RTKN2: variants seen among roughly 807,000 people sequenced by gnomAD.
The protein encoded by RTKN2 is rhotekin 2, also known as rhotekin-2.
RTKN2 carries 69 observed loss-of-function variants against 71.5 expected under a neutral mutation model. That is an observed-to-expected ratio of 0.96 (90% CI 0.79 to 1.18). The LOEUF (loss-of-function observed/expected upper bound fraction) is 1.18. RTKN2 is among the 50% of genes most tolerant of loss of function. The pLI, the probability that RTKN2 is intolerant of heterozygous loss-of-function variation, is 0.00. For synonymous variants in RTKN2, 236 were observed against 236.5 expected, an observed-to-expected ratio of 1.00 and a Z score of 0.02; for missense variants, 724 against 719.7, an observed-to-expected ratio of 1.01 and a Z score of -0.07.
At chr10:62,231,904 T>A (rs1159302856) in intron 6 of RTKN2, among the ~76,000 whole-genome samples, 4 of 152,196 alleles carry the variant, frequency 2.6e-5, no homozygotes, top group Non-Finnish European at 5.9e-5. Flanking sequence ...ATTTTTAAAC[T>A]CCTACCATGG....
In RTKN2 at chr10:62,195,464, G is replaced by T; in HGVS notation, c.*2444C>A. 1.0e-6 allele frequency: 1 copy of T among 966,746 alleles called. No homozygotes were observed. Among genetic ancestry groups the T allele is most frequent in the Non-Finnish European group, 1.2e-6 (1 of 813,488 alleles). 59.9% of individuals were successfully genotyped at this position (966,746 alleles called of 1,614,324 possible). On this transcript the variant is annotated 3_prime_UTR_variant, in exon 12 of 12. Coordinates refer to ENST00000373789, the MANE Select transcript of RTKN2 (RefSeq NM_145307.4). ...TATTTTTAGATTTTTTTTTTAAACTGTAAAGGAAGGGAGGAAGGAGAGACA... is the reference window on the plus strand; with the variant it reads ...TATTTTTAGATTTTTTTTTTAAACTTTAAAGGAAGGGAGGAAGGAGAGACA...
chr10:62,223,381 A>G (rs1841952451), intron 6 of RTKN2, 49 bp from the exon 7 acceptor site: 1 of 1,079,286 alleles, frequency 9.3e-7, no homozygotes, highest in Non-Finnish European at 1.4e-6. Flanking sequence ...TATTTCTACT[A>G]CTACACAAAA....
intron 2 of RTKN2, among the ~76,000 whole-genome samples, chr10:62,247,456 T>C (rs907094262): frequency 2.0e-5 from 3 of 151,984 alleles, no homozygotes; most frequent in African/African-American, 7.2e-5. Context: ...AAGCCATATA[T>C]TCTCAGAATT....
intron 9 of RTKN2, among the ~76,000 whole-genome samples, chr10:62,206,772 T>G (rs1841557460): frequency 6.6e-6 from 1 of 152,040 alleles, no homozygotes; most frequent in Admixed American, 6.6e-5. Flanking sequence ...TTTTTACACT[T>G]CTATGTCTTG....
chr10:62,197,879 T>A lies in RTKN2; in HGVS notation c.*29A>T. Reference sequence around the variant, plus strand: ...GAATTAAGCTTCACAGTTATAGATTTTGTTAAATGTTTTATCATTAAGAGT... The same window carrying A: ...GAATTAAGCTTCACAGTTATAGATTATGTTAAATGTTTTATCATTAAGAGT... On this transcript the variant is annotated 3_prime_UTR_variant, in exon 12 of 12. Transcript: ENST00000373789. The A allele has an allele frequency of 2.5e-6, 4 of 1,570,874 alleles. No homozygotes were observed. The highest frequency in any genetic ancestry group is 3.4e-6 in the Non-Finnish European group (4 of 1,161,708).
chr10:62,217,211 A>G lies in RTKN2; in HGVS notation c.927T>C (p.Tyr309=), dbSNP rs147106750. The change falls in exon 9 of 12, where the codon TAT becomes TAC. Residue 309 remains tyrosine (Y), a synonymous_variant. Transcript: ENST00000373789. ...AGAGTTTACCTCCTCGCAAAACACA[A>G]TACAACCTTCTCCAACTAATCAGAC... ...VEGLISWRRL[Y]CVLRGGKLYC... 6.3e-7 allele frequency: 1 copy of G among 1,599,292 alleles called. No individual in the cohort carries two copies. Among genetic ancestry groups the G allele is most frequent in the Non-Finnish European group, 8.5e-7 (1 of 1,173,114 alleles).
At chr10:62,225,668 C>T (rs1050964370) in intron 6 of RTKN2, among the ~76,000 whole-genome samples, 2 of 152,032 alleles carry the variant, frequency 1.3e-5, no homozygotes, top group Non-Finnish European at 2.9e-5. Context: ...GTGGTACTTA[C>T]GTTAAAATAG....
chr10:62,220,179 A>C (rs2116584), intron 7 of RTKN2, among the ~76,000 whole-genome samples: 115,517 of 152,124 alleles, frequency 0.76, 43,952 homozygotes, highest in East Asian at 0.9. Flanking sequence ...AAAAAGTTTT[A>C]AATTTACCTA....
At chr10:62,199,567 G>T (rs1317502875) in intron 11 of RTKN2, among the ~76,000 whole-genome samples, 187 bp downstream of exon 11, 2 of 152,094 alleles carry the variant, frequency 1.3e-5, no homozygotes, top group Non-Finnish European at 1.5e-5. Context: ...GAAAAAACGT[G>T]TATTCATTAT....
chr10:62,191,968 A>G (rs1396624681), downstream of RTKN2, among the ~76,000 whole-genome samples: 1 of 152,150 alleles, frequency 6.6e-6, no homozygotes, highest in Non-Finnish European at 1.5e-5. Flanking sequence ...TATAGAAACA[A>G]GGCAGGAACT....
At chr10:62,186,979 A>G (rs1841146981) in intron 8 of RTKN2, among the ~76,000 whole-genome samples, 1 of 152,330 alleles carries the variant, frequency 6.6e-6, no homozygotes, top group Non-Finnish European at 1.5e-5. Flanking sequence ...GGTGTTGATA[A>G]GACTTGTGGT....
chr10:62,251,025 G>A (rs1023365708), intron 2 of RTKN2, among the ~76,000 whole-genome samples: 3 of 152,152 alleles, frequency 2.0e-5, no homozygotes, highest in African/African-American at 7.2e-5. Context: ...TTTGTCCAGT[G>A]TATCCATGCT....
Position 62,195,696 on chromosome 10 carries a change from A to T in RTKN2, c.*2212T>A. On this transcript the variant is annotated 3_prime_UTR_variant, in exon 12 of 12. Transcript: ENST00000373789. Reference sequence around the variant, plus strand: ...GAAACCAACTCTGTATTATAACTACACTCCTTAGGTAAGGGGTAAATTAGC... The same window carrying T: ...GAAACCAACTCTGTATTATAACTACTCTCCTTAGGTAAGGGGTAAATTAGC... The T allele has an allele frequency of 1.0e-6, 1 of 984,476 alleles. No homozygotes were observed. The highest frequency in any genetic ancestry group is 1.2e-6 in the Non-Finnish European group (1 of 829,420). The allele number at this position is 984,476 out of a possible 1,614,324, so 61.0% of individuals were successfully genotyped here. A position where few individuals can be genotyped will look rare whatever the true frequency, so the allele number is the denominator to read the frequency against.
At chr10:62,185,732 C>G (rs1406737007) in intron 8 of RTKN2, among the ~76,000 whole-genome samples, 1 of 152,204 alleles carries the variant, frequency 6.6e-6, no homozygotes, top group African/African-American at 2.4e-5. Flanking sequence ...GTTAACCTGA[C>G]ATCTGAATTC....
Position 62,193,373 on chromosome 10 carries a change from T to C in RTKN2, c.*4535A>G, listed in dbSNP as rs1339168193. 3 of 981,936 alleles carry C rather than the reference T, an allele frequency of 3.1e-6. No homozygotes were observed. The highest frequency in any genetic ancestry group is 3.6e-6 in the Non-Finnish European group (3 of 826,816). 60.8% of individuals were successfully genotyped at this position (981,936 alleles called of 1,614,324 possible). A position where few individuals can be genotyped will look rare whatever the true frequency, so the allele number is the denominator to read the frequency against. Reference sequence around the variant, plus strand: ...CCATAAGATCTGGAATGATCTTTTCTAATTATTAAACGTGTCAGCATTAGT... The same window carrying C: ...CCATAAGATCTGGAATGATCTTTTCCAATTATTAAACGTGTCAGCATTAGT... On this transcript the variant is annotated 3_prime_UTR_variant, in exon 12 of 12. Transcript: ENST00000373789.
chr10:62,249,518 T>C (rs764186157), intron 2 of RTKN2, among the ~76,000 whole-genome samples: 6 of 152,074 alleles, frequency 3.9e-5, no homozygotes, highest in Non-Finnish European at 7.4e-5. Context: ...CAGTGCTTGG[T>C]ATTCAGCTCA....
intron 6 of RTKN2, among the ~76,000 whole-genome samples, chr10:62,233,760 A>G (rs965458366): frequency 1.7e-4 from 26 of 152,222 alleles, no homozygotes; most frequent in African/African-American, 4.8e-4. Flanking sequence ...CTAGAGTGCC[A>G]AAGTATATTT....
At chr10:62,266,007 G>A (rs568734040) in intron 1 of RTKN2, among the ~76,000 whole-genome samples, 2 of 152,278 alleles carry the variant, frequency 1.3e-5, no homozygotes, top group Non-Finnish European at 2.9e-5. Context: ...TTGTTTGAAT[G>A]CCAGTCTCCA....
chr10:62,255,607 AATTG>A (rs559882756), intron 2 of RTKN2, among the ~76,000 whole-genome samples: 313 of 152,368 alleles, frequency 2.1e-3, no homozygotes, highest in African/African-American at 7.2e-3. Context: ...TTATAAATGT[AATTG>A]ATTTAGGGAA....
Sources: gnomAD v4.1 joint callset for allele counts (sites outside exome capture counted in the v4.1 genomes callset) on GRCh38, gnomAD v4.1.1 for gene constraint, MANE v1.5 for transcripts, NCBI Gene and HGNC (gene_info 2026-07-23, HGNC 2026-07-21) for gene names.